The following TBPL1 variants were observed in gnomAD, a reference collection of about 807,000 sequenced individuals.
TBPL1 encodes the protein TATA-box binding protein like 1.
In TBPL1, 4 loss-of-function variants were observed where a neutral mutation model predicts 22.1. That is an observed-to-expected ratio of 0.18 (90% CI 0.09 to 0.41). The LOEUF is 0.41. Ranked by LOEUF, TBPL1 falls within the 10% of genes least tolerant of loss-of-function variation. TBPL1 has a pLI of 1.00. For missense variants in TBPL1, 115 were observed against 222.3 expected, an observed-to-expected ratio of 0.52 and a Z score of 3.07; for synonymous variants, 64 against 71.0, an observed-to-expected ratio of 0.90 and a Z score of 0.50.
chr6:133,968,621 C>T (rs1000068185), intron 1 of TBPL1, among the ~76,000 whole-genome samples: 5 of 152,148 alleles, frequency 3.3e-5, no homozygotes, highest in African/African-American at 7.2e-5. Flanking sequence ...AGTCCACTGT[C>T]GTGTAGCTTC....
At chr6:133,980,047 TAA>T in intron 1 of TBPL1, 33 bp from the exon 2 acceptor site, 1 of 1,343,650 alleles carries the variant, frequency 7.4e-7, no homozygotes. Context: ...TAACAACATT[TAA>T]GTTTAATGAC....
At chr6:133,965,365 C>T (rs1484368889) in intron 1 of TBPL1, among the ~76,000 whole-genome samples, 1 of 152,114 alleles carries the variant, frequency 6.6e-6, no homozygotes, top group Non-Finnish European at 1.5e-5. Context: ...ACATCATAAA[C>T]TTGTATCACA....
At chr6:133,971,112 G>A (rs1213248141) in intron 1 of TBPL1, among the ~76,000 whole-genome samples, 2 of 150,484 alleles carry the variant, frequency 1.3e-5, no homozygotes, top group South Asian at 2.1e-4. Flanking sequence ...CTCAGTCTCT[G>A]TTAATCGCTC....
At chr6:133,986,865 A>T in intron 6 of TBPL1, 96 bp from the exon 7 acceptor site, 2 of 777,934 alleles carry the variant, frequency 2.6e-6, no homozygotes, top group East Asian at 2.8e-5. Context: ...TTGATATTCT[A>T]TACCACTTGA....
rs531232599 is a variant in TBPL1 at position 133,962,127 on chromosome 6, G to T, written c.-45+8702G>T. On this transcript the variant is annotated intron_variant, in intron 1 of 6. Coordinates refer to ENST00000237264, the MANE Select transcript of TBPL1 (RefSeq NM_004865.4). ...ATTGGAAGAGGAATGGTGTAAAGCT[G>T]AGAATGTTAAGGTGTGTTGGAAGTG... Among the ~76,000 whole-genome samples the T allele has an allele frequency of 1.4e-4, 21 of 152,294 alleles. No homozygotes were observed. In the South Asian group the frequency reaches 1.5e-3, roughly 11 times the overall value.
chr6:133,966,817 AACC>A (rs3831773), intron 1 of TBPL1, among the ~76,000 whole-genome samples: 96,886 of 151,688 alleles, frequency 0.64, 31,827 homozygotes, highest in African/African-American at 0.74. Context: ...TGCATTTTCA[AACC>A]ACAGTACTAC....
At chr6:133,964,770 G>T (rs145253574) in intron 1 of TBPL1, among the ~76,000 whole-genome samples, 8 of 152,262 alleles carry the variant, frequency 5.3e-5, no homozygotes, top group African/African-American at 1.9e-4. Context: ...ATTTTCCCAA[G>T]TAACTAATTT....
At position 133,980,193 on chromosome 6, in the gene TBPL1, G is replaced by A. The variant is rs765137476; in HGVS notation, c.68G>A (p.Arg23Lys). ...AATGTAGTCTGTGTTTTTAGAACAAGATGTCATTTAAACTTAAGGAAGATT... is the reference window on the plus strand; with the variant it reads ...AATGTAGTCTGTGTTTTTAGAACAAAATGTCATTTAAACTTAAGGAAGATT... ...ITNVVCVFRT[R>K]CHLNLRKIAL... Residue 23 changes from arginine (R) to lysine (K), a missense_variant, in exon 2 of 7, where the codon AGA (arginine) becomes AAA (lysine). Arg to Lys is a conservative substitution (Grantham distance 26). Transcript: ENST00000237264. The A allele has an allele frequency of 1.9e-6, 3 of 1,609,910 alleles. No individual in the cohort carries two copies. Among genetic ancestry groups the A allele is most frequent in the South Asian group, 2.2e-5 (2 of 90,114 alleles).
chr6:133,986,870 A>T (rs1280690917), intron 6 of TBPL1, 91 bp from the exon 7 acceptor site: 2 of 817,882 alleles, frequency 2.4e-6, no homozygotes, highest in Non-Finnish European at 3.8e-6. Context: ...ATTCTATACC[A>T]CTTGAATATT....
At chr6:133,982,426 C>G (rs1776432715) in intron 2 of TBPL1, 142 bp from the exon 3 acceptor site, 1 of 612,846 alleles carries the variant, frequency 1.6e-6, no homozygotes, top group African/African-American at 1.9e-5. Flanking sequence ...TACTTGATTT[C>G]AGAATGGTAG....
intron 1 of TBPL1, chr6:133,968,838 T>G (rs760398529): frequency 2.0e-5 from 3 of 152,166 alleles, no homozygotes; most frequent in Non-Finnish European, 4.4e-5. Context: ...CCTGGCTAAT[T>G]TTTGTATTTT....
Position 133,987,320 on chromosome 6 carries a change from C to G in TBPL1, c.*280C>G. The G allele has an allele frequency of 4.5e-6, 1 of 221,708 alleles. No individual in the cohort carries two copies. Among genetic ancestry groups the G allele is most frequent in the East Asian group, 9.4e-5 (1 of 10,600 alleles). The allele number at this position is 221,708 out of a possible 1,614,324, so 13.7% of individuals were successfully genotyped here. ...CCATAAGCAGAGCTGTCACAGTGTG[C>G]ACTACCTTAGATTGTTTTATTGTCG... On this transcript the variant is annotated 3_prime_UTR_variant, in exon 7 of 7. Transcript: ENST00000237264.
chr6:133,953,019 G>C (rs1037499002), upstream of TBPL1, among the ~76,000 whole-genome samples: 1 of 152,120 alleles, frequency 6.6e-6, no homozygotes, highest in Non-Finnish European at 1.5e-5. Context: ...CGGGTGGGCA[G>C]GAGGGGCCTG....
chr6:133,954,700 A>G (rs1775896683), intron 1 of TBPL1, among the ~76,000 whole-genome samples: 1 of 152,246 alleles, frequency 6.6e-6, no homozygotes, highest in Admixed American at 6.5e-5. Flanking sequence ...AGGAGCAATT[A>G]GGTCAACCAC....
In TBPL1 at chr6:133,963,807, G is replaced by C. The variant is rs564042119; in HGVS notation, c.-45+10382G>C. ...GCACTTTGGGAGGCTGAGGCGGGCG[G>C]ATCACAAGGTCAGGAGATCGAGACC... On this transcript the variant is annotated intron_variant, in intron 1 of 6. Transcript: ENST00000237264. 9.3e-5 allele frequency among the ~76,000 whole-genome samples: 14 copies of C among 151,254 alleles called. No individual in the cohort carries two copies. In the South Asian group the frequency reaches 2.9e-3, roughly 32 times the overall value.
Position 133,974,387 on chromosome 6 carries a change from G to T in TBPL1, c.-44-5695G>T, listed in dbSNP as rs539289691. Among the ~76,000 whole-genome samples, 3 of 152,316 alleles carry T rather than the reference G, an allele frequency of 2.0e-5. No individual in the cohort carries two copies. The East Asian group carries it at 5.8e-4, about 29-fold the overall frequency. On this transcript the variant is annotated intron_variant, in intron 1 of 6. Transcript: ENST00000237264. ...CTTGCTCTGTCACCCAGGTTGGAGTGCAGTGGCGCGATCTCAGCTCACTGC... is the reference window on the plus strand; with the variant it reads ...CTTGCTCTGTCACCCAGGTTGGAGTTCAGTGGCGCGATCTCAGCTCACTGC...
At chr6:133,960,502 C>T (rs576907127) in intron 1 of TBPL1, among the ~76,000 whole-genome samples, 7 of 151,328 alleles carry the variant, frequency 4.6e-5, no homozygotes, top group South Asian at 2.1e-4. Context: ...CACTTCAGTG[C>T]GCAGTACAAA....
At chr6:133,986,849 G>T in intron 6 of TBPL1, 112 bp from the exon 7 acceptor site, 1 of 619,468 alleles carries the variant, frequency 1.6e-6, no homozygotes. Flanking sequence ...TTTTTTAACA[G>T]TTAACTTGAT....
At chr6:133,968,456 A>G (rs964121891) in intron 1 of TBPL1, among the ~76,000 whole-genome samples, 1 of 152,192 alleles carries the variant, frequency 6.6e-6, no homozygotes, top group Non-Finnish European at 1.5e-5. Flanking sequence ...TCCTTTATCC[A>G]CAATAGTATA....
Sources: allele counts gnomAD v4.1 joint callset (sites outside exome capture counted in the v4.1 genomes callset), GRCh38; gene constraint gnomAD v4.1.1; transcripts MANE v1.5; gene names NCBI Gene and HGNC (gene_info 2026-07-23, HGNC 2026-07-21).